The following RERE variants were observed in gnomAD, a reference collection of about 807,000 sequenced individuals.
The protein encoded by RERE is arginine-glutamic acid dipeptide repeats protein.
In RERE, 40 loss-of-function variants were observed where a neutral mutation model predicts 146.1. The ratio of observed to expected loss-of-function variants is 0.27; its 90% CI spans 0.21 to 0.36. RERE has a LOEUF of 0.36. Ranked by LOEUF, RERE falls within the 10% of genes least tolerant of loss-of-function variation. RERE has a pLI of 1.00. For missense variants in RERE, 1,933 were observed against 2,138.7 expected (o/e 0.90, Z 1.90); for synonymous variants, 1,003 against 866.0 (o/e 1.16, Z -2.78).
Position 8,364,276 on chromosome 1 carries a change from G to C in RERE, c.1541-21C>G. The C allele has an allele frequency of 1.2e-6, 2 of 1,611,074 alleles. No homozygotes were observed. The highest frequency in any genetic ancestry group is 1.7e-6 in the Non-Finnish European group (2 of 1,177,438). On this transcript the variant is annotated intron_variant, in intron 14 of 22. Transcript: ENST00000400908. The surrounding 1 kb of genome is among the most constrained non-coding windows in gnomAD (Gnocchi z 5.1). ...GGAGGCTGTGTGAGGGAAGTGGTGG[G>C]GGCCAACCTTGGAAACCATCCCTCT...
At chr1:8,546,315 AT>A (rs200742398) in intron 6 of RERE, among the ~76,000 whole-genome samples, 54 of 130,430 alleles carry the variant, frequency 4.1e-4, no homozygotes, top group African/African-American at 1.5e-3. Context: ...ATAAATAAAA[AT>A]ATATATATAT....
At chr1:8,540,621 T>C (rs182178801) in intron 7 of RERE, among the ~76,000 whole-genome samples, 2 of 152,278 alleles carry the variant, frequency 1.3e-5, no homozygotes, top group East Asian at 3.9e-4. Context: ...ATGACAGACA[T>C]AAAAATTGTT....
At chr1:8,385,599 A>G (rs1024967141) in intron 12 of RERE, among the ~76,000 whole-genome samples, 2 of 152,232 alleles carry the variant, frequency 1.3e-5, no homozygotes, top group East Asian at 1.9e-4. Context: ...CTGGTGACCA[A>G]ACAAAACAAT....
intron 3 of RERE, among the ~76,000 whole-genome samples, chr1:8,616,681 A>G (rs1311753452): frequency 1.3e-5 from 2 of 152,200 alleles, no homozygotes; most frequent in Non-Finnish European, 2.9e-5. Flanking sequence ...AACTTTTTCA[A>G]TAGTTTCTTA....
In RERE at chr1:8,360,198, C is replaced by T. The variant is rs902146293; in HGVS notation, c.3309G>A (p.Glu1103=). ...TTGGTGGGGGAGGGGGGCTCTCAGG[C>T]TCCTCAGCGTCGTCCAGAGCCTCCT... ...IKEEALDDAE[E]PESPPPPPRS... Residue 1103 remains glutamate, a synonymous_variant, in exon 18 of 23, where the codon GAG becomes GAA. Coordinates refer to ENST00000400908, the MANE Select transcript of RERE (RefSeq NM_001042681.2). 3.1e-6 allele frequency: 5 copies of T among 1,595,774 alleles called. No homozygotes were observed. Among genetic ancestry groups the T allele is most frequent in the African/African-American group, 1.3e-5 (1 of 74,530 alleles).
intron 10 of RERE, among the ~76,000 whole-genome samples, chr1:8,470,939 C>T (rs1361409675): frequency 6.8e-6 from 1 of 148,086 alleles, no homozygotes; most frequent in Non-Finnish European, 1.5e-5. Context: ...CTGCCTCAGC[C>T]TCCCGAGTAC....
intron 11 of RERE, among the ~76,000 whole-genome samples, chr1:8,451,694 G>C (rs1031785789): frequency 6.6e-6 from 1 of 152,140 alleles, no homozygotes; most frequent in Non-Finnish European, 1.5e-5. Flanking sequence ...GCATAGTCCT[G>C]ATCCAGTCCA....
At chr1:8,810,053 T>C (rs1641774425) in intron 1 of RERE, among the ~76,000 whole-genome samples, 1 of 151,916 alleles carries the variant, frequency 6.6e-6, no homozygotes, top group Non-Finnish European at 1.5e-5. Context: ...TCGCCCAGGC[T>C]GGAGTGCAGT....
rs535471588 is a variant in RERE, at chr1:8,670,929, G to C, written c.-144-14488C>G. 2.0e-5 allele frequency among the ~76,000 whole-genome samples: 3 copies of C among 152,282 alleles called. No individual in the cohort carries two copies. In the East Asian group the frequency reaches 5.8e-4, roughly 29 times the overall value. On this transcript the variant is annotated intron_variant, in intron 1 of 22. Transcript: ENST00000400908. Reference sequence around the variant, plus strand: ...CGTAGCAGTGAAGGTGTTAAGCAGTGGTCAGATTCTAGCCCTCAGAAGTGG... The same window carrying C: ...CGTAGCAGTGAAGGTGTTAAGCAGTCGTCAGATTCTAGCCCTCAGAAGTGG...
intron 12 of RERE, chr1:8,380,760 T>C (rs1642417646): frequency 2.3e-6 from 1 of 443,908 alleles, no homozygotes; most frequent in African/African-American, 2.0e-5. Context: ...GAGATTTCTC[T>C]TTAAGGTGAC....
intron 12 of RERE, among the ~76,000 whole-genome samples, chr1:8,381,854 C>T (rs1193910466): frequency 6.6e-6 from 1 of 152,240 alleles, no homozygotes; most frequent in Non-Finnish European, 1.5e-5. Context: ...TGAAACCACA[C>T]AGGCCTTGGC....
At chr1:8,374,506 A>G (rs1369077847) in intron 12 of RERE, among the ~76,000 whole-genome samples, 2 of 152,116 alleles carry the variant, frequency 1.3e-5, no homozygotes, top group Non-Finnish European at 2.9e-5. Flanking sequence ...GAACTCAGCC[A>G]TTTGCTAATC....
intron 12 of RERE, among the ~76,000 whole-genome samples, chr1:8,387,940 T>G (rs373602133): frequency 1.3e-5 from 2 of 152,184 alleles, no homozygotes; most frequent in Admixed American, 6.5e-5. Flanking sequence ...TGTGTGCCAG[T>G]TGATGTGTGC....
chr1:8,646,475 T>A (rs903628238), intron 2 of RERE, among the ~76,000 whole-genome samples: 2 of 151,292 alleles, frequency 1.3e-5, no homozygotes, highest in Non-Finnish European at 2.9e-5. Flanking sequence ...AAGGCTTCAG[T>A]AAGCCGTGTT....
At chr1:8,654,849 C>T (rs561204998) in intron 2 of RERE, among the ~76,000 whole-genome samples, 1 of 152,090 alleles carries the variant, frequency 6.6e-6, no homozygotes, top group Admixed American at 6.5e-5. Flanking sequence ...GTTGCCCAGG[C>T]TGGTCTTGAA....
At chr1:8,502,786 A>AT (rs1247967474) in intron 8 of RERE, among the ~76,000 whole-genome samples, 6 of 147,024 alleles carry the variant, frequency 4.1e-5, no homozygotes, top group Non-Finnish European at 9.0e-5. Context: ...CTGTGACCTT[A>AT]TCCCCAACCC....
chr1:8,614,729 A>C lies in RERE; in HGVS notation c.397-43T>G, dbSNP rs202229805. The stretch of plus-strand genomic sequence containing the variant: ...TTTAAGTTAACGTGCCCAACGCCCC[A>C]TCATGCCCTGGTTATTAGGGGCACG... On this transcript the variant is annotated intron_variant, in intron 3 of 22. Coordinates refer to ENST00000400908, the MANE Select transcript of RERE (RefSeq NM_001042681.2). The C allele has an allele frequency of 4.6e-4, 724 of 1,570,354 alleles. 2 individuals carry two copies. In the Middle Eastern group the frequency reaches 4.9e-3, roughly 11 times the overall value.
At chr1:8,592,959 A>G (rs1176898648) in intron 4 of RERE, among the ~76,000 whole-genome samples, 1 of 152,108 alleles carries the variant, frequency 6.6e-6, no homozygotes, top group East Asian at 1.9e-4. Flanking sequence ...TATTCTTCAC[A>G]TGTTTTTCCA....
chr1:8,650,833 G>T (rs1246858934), intron 2 of RERE, among the ~76,000 whole-genome samples: 1 of 151,772 alleles, frequency 6.6e-6, no homozygotes, highest in Non-Finnish European at 1.5e-5. Flanking sequence ...GGAGGCGGAG[G>T]TTGCAGTGAG....
Sources: gnomAD v4.1 joint callset for allele counts (sites outside exome capture counted in the v4.1 genomes callset) on GRCh38, gnomAD v4.1.1 for gene constraint, Gnocchi (gnomAD v3.1) non-coding constraint, MANE v1.5 for transcripts, NCBI Gene and HGNC (gene_info 2026-07-23, HGNC 2026-07-21) for gene names.